TMEM35B: variants seen among roughly 807,000 people sequenced by gnomAD.
TMEM35B encodes the protein ZMYM6 neighbor protein.
TMEM35B carries 6 observed loss-of-function variants against 8.7 expected under a neutral mutation model. The ratio of observed to expected loss-of-function variants is 0.69; its 90% CI spans 0.38 to 1.36. TMEM35B has a LOEUF of 1.36. TMEM35B is among the 40% of genes most tolerant of loss of function. The pLI, the probability that TMEM35B is intolerant of heterozygous loss-of-function variation, is 0.02. For synonymous variants in TMEM35B, 89 were observed against 87.0 expected (o/e 1.02, Z -0.13); for missense variants, 176 against 181.6 (o/e 0.97, Z 0.18).
chr1:34,984,121 C>T (rs1640537022), intron 1 of TMEM35B, among the ~76,000 whole-genome samples, 174 bp from the exon 2 acceptor site: 2 of 152,218 alleles, frequency 1.3e-5, no homozygotes, highest in African/African-American at 4.8e-5. Context: ...CCCTGTGGCG[C>T]TGAGCTTTGG....
intron 2 of TMEM35B, 26 bp downstream of exon 2, chr1:34,983,741 T>A (rs763380711): frequency 4.1e-6 from 6 of 1,452,872 alleles, no homozygotes; most frequent in Non-Finnish European, 5.5e-6. Flanking sequence ...AAGACCCCAT[T>A]TTCTCAGGCC....
chr1:34,985,323 C>G (rs1157004959), exon 1 of TMEM35B: 4 of 1,515,626 alleles, frequency 2.6e-6, no homozygotes, highest in South Asian at 2.5e-5. Context: ...CTCCCCCCAC[C>G]GTGGGTTGGC....
chr1:34,985,118 C>G (rs1640552960), intron 1 of TMEM35B, 80 bp downstream of exon 1: 4 of 1,167,822 alleles, frequency 3.4e-6, no homozygotes, highest in Admixed American at 4.1e-5. Context: ...GGCGGCCTGC[C>G]GGGCCGGGGG....
chr1:34,984,232 G>A (rs1640538581), intron 1 of TMEM35B, among the ~76,000 whole-genome samples: 1 of 152,214 alleles, frequency 6.6e-6, no homozygotes, highest in South Asian at 2.1e-4. Flanking sequence ...AGGAGGAGGG[G>A]GCTGGGCTTG....
chr1:34,981,877 T>A, exon 3 of TMEM35B: 1 of 1,416,678 alleles, frequency 7.1e-7, no homozygotes, highest in Admixed American at 2.8e-5. Flanking sequence ...GGTAACAAGA[T>A]GATAGACTCT....
In TMEM35B at chr1:34,983,850, TC is replaced by T; in HGVS notation, c.205del (p.Glu69AsnfsTer23). 2 of 1,546,398 alleles carry T rather than the reference TC, an allele frequency of 1.3e-6. No homozygotes were observed. Among genetic ancestry groups the T allele is most frequent in the Non-Finnish European group, 1.7e-6 (2 of 1,144,624 alleles). ...GACCAGCAGCAACCCAGCCAGCAGTTCCAGAAAGCCCACAGCTATTTGGTAG... is the reference window on the plus strand; with the variant it reads ...GACCAGCAGCAACCCAGCCAGCAGTTCAGAAAGCCCACAGCTATTTGGTAG... On this transcript the variant is annotated frameshift_variant, in exon 2 of 3. Coordinates refer to ENST00000373337, the Ensembl canonical transcript of TMEM35B. LOFTEE classifies it high-confidence loss of function.
chr1:34,983,786 G>C (rs1640533104), exon 2 of TMEM35B: 1 of 1,534,316 alleles, frequency 6.5e-7, no homozygotes, highest in African/African-American at 1.4e-5. Context: ...GCAGAATCAA[G>C]AACAAGTTAC....
chr1:34,981,859 A>G, exon 3 of TMEM35B: 1 of 1,346,384 alleles, frequency 7.4e-7, no homozygotes, highest in South Asian at 1.7e-5. Flanking sequence ...GACCCTGGAT[A>G]TTATACTGGT....
chr1:34,982,768 T>G (rs1640521493), intron 2 of TMEM35B, among the ~76,000 whole-genome samples: 1 of 152,006 alleles, frequency 6.6e-6, no homozygotes, highest in Non-Finnish European at 1.5e-5. Context: ...AGCCACCGTG[T>G]CTGGCCCCTT....
chr1:34,985,240 G>A (rs1640556424), exon 1 of TMEM35B: 8 of 1,544,982 alleles, frequency 5.2e-6, no homozygotes, highest in Non-Finnish European at 7.0e-6. Flanking sequence ...CCGAGAGCTT[G>A]GCCAACCCCA....
At chr1:34,981,514 T>C (rs1160814287), downstream of TMEM35B, 1 of 152,342 alleles carries the variant, frequency 6.6e-6, no homozygotes, top group Non-Finnish European at 1.5e-5. Flanking sequence ...TTAACAGCAA[T>C]GAGGCAAAAG....
intron 2 of TMEM35B, among the ~76,000 whole-genome samples, chr1:34,982,418 G>T (rs935411375): frequency 2.2e-5 from 3 of 135,792 alleles, no homozygotes; most frequent in African/African-American, 1.1e-4. Context: ...AGAGTGGATA[G>T]ATTTTAGAAA....
chr1:34,985,347 C>T (rs1285085797), exon 1 of TMEM35B: 40 of 1,462,590 alleles, frequency 2.7e-5, no homozygotes, highest in Non-Finnish European at 3.6e-5. Flanking sequence ...GCCGAAAACC[C>T]GCCCCTGCCG....
At chr1:34,983,435 C>G (rs1010911373) in intron 2 of TMEM35B, among the ~76,000 whole-genome samples, 1 of 151,770 alleles carries the variant, frequency 6.6e-6, no homozygotes, top group Non-Finnish European at 1.5e-5. Context: ...AAAAATCAGT[C>G]GGGCGCTGTG....
chr1:34,982,152 T>C, intron 2 of TMEM35B, 33 bp from the exon 3 acceptor site: 1 of 1,515,346 alleles, frequency 6.6e-7, no homozygotes, highest in African/African-American at 1.4e-5. Context: ...TGAGGCTCCT[T>C]GGAAGAACCC....
At chr1:34,982,013 G>A (rs1640511622) in exon 3 of TMEM35B, 2 of 1,550,488 alleles carry the variant, frequency 1.3e-6, no homozygotes, top group Non-Finnish European at 1.7e-6. Context: ...TCTTAGTCTG[G>A]GCTAAGAGCT....
At chr1:34,982,112 G>C (rs1257826802) in exon 3 of TMEM35B, 1 of 1,544,874 alleles carries the variant, frequency 6.5e-7, no homozygotes. Context: ...CCAAGGTGAA[G>C]ATAGCCCCTG....
At chr1:34,982,092 T>C in exon 3 of TMEM35B, 1 of 1,547,740 alleles carries the variant, frequency 6.5e-7, no homozygotes, top group Non-Finnish European at 8.7e-7. Context: ...TAGTGACTCT[T>C]TCAGAGCTGC....
At chr1:34,984,289 T>C (rs1419140563) in intron 1 of TMEM35B, among the ~76,000 whole-genome samples, 5 of 152,228 alleles carry the variant, frequency 3.3e-5, no homozygotes. Context: ...TCCTTCTTTG[T>C]GTCTGGCCTG....
Sources: allele counts gnomAD v4.1 joint callset (sites outside exome capture counted in the v4.1 genomes callset), GRCh38; gene constraint gnomAD v4.1.1; transcripts MANE v1.5; gene names NCBI Gene and HGNC (gene_info 2026-07-23, HGNC 2026-07-21).